Variants in RASSF3 observed in about 807,000 individuals in gnomAD.
RASSF3 encodes ras association domain-containing protein 3.
Under a neutral mutation model 19.9 loss-of-function variants are expected in RASSF3, and 19 were observed. The ratio of observed to expected loss-of-function variants is 0.96; its 90% confidence interval spans 0.67 to 1.40. RASSF3 has a LOEUF of 1.40. Ranked by LOEUF, RASSF3 falls within the 40% of genes most tolerant of loss-of-function variation. The probability of loss-of-function intolerance (pLI) is 0.00; values close to 1 mark genes in which losing one functional copy is unlikely to be tolerated. For synonymous variants in RASSF3, 110 were observed against 104.2 expected (o/e 1.06, Z -0.34); for missense variants, 306 against 289.8 (o/e 1.06, Z -0.41).
intron 1 of RASSF3, among the ~76,000 whole-genome samples, chr12:64,618,683 G>A (rs1256125894): frequency 2.0e-5 from 3 of 148,420 alleles, no homozygotes; most frequent in Non-Finnish European, 4.4e-5. Flanking sequence ...GCTCTAGGAA[G>A]GATGTCAGAA....
intron 1 of RASSF3, among the ~76,000 whole-genome samples, chr12:64,664,286 A>G (rs1872474618): frequency 1.3e-5 from 2 of 152,224 alleles, no homozygotes; most frequent in African/African-American, 4.8e-5. Context: ...CATAATAGAA[A>G]TAACAAAGCT....
intron 1 of RASSF3, among the ~76,000 whole-genome samples, chr12:64,624,367 CCTGTGTTTAAATCAGTGCTAG>C (rs1870910620): frequency 6.6e-6 from 1 of 151,780 alleles, no homozygotes; most frequent in Admixed American, 6.6e-5. Flanking sequence ...TGTAGGGCAC[CCTGTGTTTAAATCAGTGCTAG>C]CTGTATTATC....
At chr12:64,541,584 G>A (rs1457078821) in exon 2 of RASSF3, 1 of 398,466 alleles carries the variant, frequency 2.5e-6, no homozygotes, top group African/African-American at 2.1e-5. Flanking sequence ...CTTTCAGAGG[G>A]TAAATATATA....
At chr12:64,685,224 A>G (rs1474020377) in intron 2 of RASSF3, among the ~76,000 whole-genome samples, 4 of 152,038 alleles carry the variant, frequency 2.6e-5, no homozygotes, top group Non-Finnish European at 5.9e-5. Context: ...CTCAGATTCT[A>G]AGAAGACCTC....
intron 1 of RASSF3, among the ~76,000 whole-genome samples, chr12:64,627,838 A>G (rs1169173519): frequency 1.3e-5 from 2 of 152,260 alleles, no homozygotes; most frequent in African/African-American, 4.8e-5. Context: ...GAGTTACTTA[A>G]CCATTTTTGG....
chr12:64,641,388 C>T (rs1253154774), intron 1 of RASSF3, among the ~76,000 whole-genome samples: 1 of 96,090 alleles, frequency 1.0e-5, no homozygotes, highest in East Asian at 2.3e-4. Flanking sequence ...AGAGTGAGAC[C>T]CTGTCTCACA....
At chr12:64,535,689 C>CT (rs34094654) in intron 1 of RASSF3, among the ~76,000 whole-genome samples, 20,923 of 137,528 alleles carry the variant, frequency 0.15, 1,967 homozygotes, top group African/African-American at 0.27. Context: ...TTTGTTTTCA[C>CT]TTTTTTTTTT....
chr12:64,692,653 A>G (rs1210860643), intron 4 of RASSF3, among the ~76,000 whole-genome samples: 1 of 152,184 alleles, frequency 6.6e-6, no homozygotes, highest in Non-Finnish European at 1.5e-5. Flanking sequence ...AGCATAGTCT[A>G]CTCAGTGTTT....
chr12:64,626,692 G>T (rs1246920460), intron 1 of RASSF3, among the ~76,000 whole-genome samples: 1 of 152,040 alleles, frequency 6.6e-6, no homozygotes, highest in African/African-American at 2.4e-5. Flanking sequence ...CTCCTGAGTA[G>T]CTGGGACTAG....
At chr12:64,546,207 A>T (rs537781637), downstream of RASSF3, among the ~76,000 whole-genome samples, 42 of 151,810 alleles carry the variant, frequency 2.8e-4, no homozygotes, top group Middle Eastern at 3.5e-3. Context: ...CATCATAAGT[A>T]TTAGATTATT....
At chr12:64,640,480 C>CA (rs1871477490) in intron 1 of RASSF3, among the ~76,000 whole-genome samples, 1 of 152,132 alleles carries the variant, frequency 6.6e-6, no homozygotes, top group African/African-American at 2.4e-5. Context: ...TATACCCTGG[C>CA]AACTACCTTT....
At chr12:64,545,038 T>C (rs1869028418), downstream of RASSF3, among the ~76,000 whole-genome samples, 1 of 152,206 alleles carries the variant, frequency 6.6e-6, no homozygotes, top group African/African-American at 2.4e-5. Context: ...TTCTGGCAGA[T>C]TGATGGCTTC....
At chr12:64,641,773 G>A (rs1871542207) in intron 1 of RASSF3, among the ~76,000 whole-genome samples, 2 of 149,164 alleles carry the variant, frequency 1.3e-5, no homozygotes, top group African/African-American at 5.0e-5. Flanking sequence ...ATGGAGTTTC[G>A]CCCTTGTTGC....
intron 2 of RASSF3, among the ~76,000 whole-genome samples, chr12:64,550,701 G>A (rs2136120658): frequency 1.3e-5 from 2 of 151,660 alleles, no homozygotes; most frequent in East Asian, 3.9e-4. Flanking sequence ...GTGGGTGCCT[G>A]TAACCCCAGC....
chr12:64,664,106 G>A (rs1442874378), intron 1 of RASSF3, among the ~76,000 whole-genome samples: 3 of 152,112 alleles, frequency 2.0e-5, no homozygotes, highest in African/African-American at 4.8e-5. Flanking sequence ...AAAGCAATAT[G>A]AGAAGAGTTC....
chr12:64,669,696 G>A (rs574233716), intron 1 of RASSF3, among the ~76,000 whole-genome samples: 2 of 151,828 alleles, frequency 1.3e-5, no homozygotes, highest in East Asian at 3.9e-4. Context: ...GCAGACCACG[G>A]CCAGGGTTGG....
intron 2 of RASSF3, among the ~76,000 whole-genome samples, chr12:64,580,813 C>T (rs951719977): frequency 6.6e-6 from 1 of 151,944 alleles, no homozygotes; most frequent in Admixed American, 6.6e-5. Context: ...TGTCTGTGTC[C>T]AAACTTCCCT....
intron 1 of RASSF3, among the ~76,000 whole-genome samples, chr12:64,671,547 T>C (rs1354546294): frequency 1.3e-5 from 2 of 152,210 alleles, no homozygotes; most frequent in Admixed American, 6.5e-5. Context: ...AAAGAGTACC[T>C]CTAGAAATTG....
At chr12:64,658,898 C>G (rs1872248565) in intron 1 of RASSF3, among the ~76,000 whole-genome samples, 1 of 152,176 alleles carries the variant, frequency 6.6e-6, no homozygotes, top group African/African-American at 2.4e-5. Flanking sequence ...AGCGAGACCC[C>G]TGTCTCTACA....
Sources: allele counts gnomAD v4.1 joint callset (sites outside exome capture counted in the v4.1 genomes callset), GRCh38; gene constraint gnomAD v4.1.1; transcripts MANE v1.5; gene names NCBI Gene and HGNC (gene_info 2026-07-23, HGNC 2026-07-21).